KCNH7: variants seen among roughly 807,000 people sequenced by gnomAD.
KCNH7 encodes the protein voltage-gated inwardly rectifying potassium channel KCNH7.
Under a neutral mutation model 120.8 loss-of-function variants are expected in KCNH7, and 49 were observed. The ratio of observed to expected loss-of-function variants is 0.41; its 90% CI spans 0.32 to 0.51. The LOEUF is 0.51. Ranked by LOEUF, KCNH7 falls within the 20% of genes least tolerant of loss-of-function variation. The pLI is 0.38. For synonymous variants in KCNH7, 547 were observed against 516.1 expected (o/e 1.06, Z -0.81); for missense variants, 1,097 against 1,446.6 (o/e 0.76, Z 3.92).
intron 2 of KCNH7, among the ~76,000 whole-genome samples, chr2:162,591,023 A>AC (rs1288465285): frequency 6.6e-6 from 1 of 151,544 alleles, no homozygotes; most frequent in Non-Finnish European, 1.5e-5. Flanking sequence ...GGATATACTC[A>AC]CCCCCAATGC....
intron 9 of KCNH7, among the ~76,000 whole-genome samples, chr2:162,415,876 C>T (rs574667290): frequency 6.6e-5 from 10 of 152,226 alleles, no homozygotes; most frequent in African/African-American, 2.4e-4. Flanking sequence ...CTACATGCTT[C>T]CACTCTGCTT....
intron 2 of KCNH7, among the ~76,000 whole-genome samples, chr2:162,625,714 G>C (rs190268293): frequency 2.3e-4 from 35 of 152,134 alleles, no homozygotes; most frequent in African/African-American, 8.4e-4. Flanking sequence ...ATAATGGGTA[G>C]AAAGAGCCGC....
intron 2 of KCNH7, among the ~76,000 whole-genome samples, chr2:162,772,907 T>A (rs947063571): frequency 2.6e-5 from 4 of 152,184 alleles, no homozygotes; most frequent in African/African-American, 9.6e-5. Context: ...AAGGTCTAGT[T>A]TCCACTTTTT....
intron 2 of KCNH7, among the ~76,000 whole-genome samples, chr2:162,795,079 C>A (rs1325554973): frequency 2.0e-5 from 3 of 151,922 alleles, no homozygotes; most frequent in Admixed American, 2.0e-4. Flanking sequence ...GAATAAGTAT[C>A]CACAAAATCT....
rs181392640 is a variant in KCNH7, at chr2:162,404,048, G to T, written c.2155-3607C>A. ...TTTTTGTTTCTTTGTTTTCAGGGTT[G>T]GTTCCCTTGTTAAACTCTCTGACAT... On this transcript the variant is annotated intron_variant, in intron 9 of 15. Coordinates refer to ENST00000332142, the MANE Select transcript of KCNH7 (RefSeq NM_033272.4). Among the ~76,000 whole-genome samples, 215 of 151,902 alleles carry T rather than the reference G, an allele frequency of 1.4e-3. 5 individuals carry two copies. Among genetic ancestry groups the T allele is most frequent in the Non-Finnish European group, 2.7e-4 (18 of 67,884 alleles).
At chr2:162,397,476 C>A (rs79682441) in intron 10 of KCNH7, among the ~76,000 whole-genome samples, 2 of 151,728 alleles carry the variant, frequency 1.3e-5, no homozygotes, top group African/African-American at 4.8e-5. Flanking sequence ...AAAATATGCC[C>A]AATTGCTTAA....
intron 2 of KCNH7, among the ~76,000 whole-genome samples, chr2:162,827,720 TG>T (rs1295565086): frequency 1.3e-5 from 2 of 152,158 alleles, no homozygotes; most frequent in Non-Finnish European, 2.9e-5. Flanking sequence ...GGAGGCAATG[TG>T]GTAGAGTTTG....
chr2:162,782,571 A>G (rs1237406163), intron 2 of KCNH7, among the ~76,000 whole-genome samples: 4 of 152,190 alleles, frequency 2.6e-5, no homozygotes, highest in African/African-American at 2.4e-5. Flanking sequence ...CCAGAGACCA[A>G]ATAAAGAGTC....
intron 2 of KCNH7, among the ~76,000 whole-genome samples, chr2:162,592,168 A>T (rs1457182141): frequency 6.6e-6 from 1 of 152,088 alleles, no homozygotes; most frequent in East Asian, 1.9e-4. Flanking sequence ...CACAGCTTAA[A>T]GGTTACTTAA....
chr2:162,626,459 T>C (rs1308508022), intron 2 of KCNH7, among the ~76,000 whole-genome samples: 1 of 152,168 alleles, frequency 6.6e-6, no homozygotes, highest in Non-Finnish European at 1.5e-5. Context: ...ACTGGAATTC[T>C]GAAAGTCATG....
At chr2:162,750,473 G>A (rs1253265644) in intron 2 of KCNH7, among the ~76,000 whole-genome samples, 1 of 152,050 alleles carries the variant, frequency 6.6e-6, no homozygotes, top group African/African-American at 2.4e-5. Context: ...ATGTTAAAAT[G>A]AATAAAATGA....
At chr2:162,373,729 A>G in intron 14 of KCNH7, 67 bp from the exon 15 acceptor site, 1 of 1,138,032 alleles carries the variant, frequency 8.8e-7, no homozygotes, top group South Asian at 2.6e-5. Context: ...GCATTTAAAA[A>G]AATTTCAGCA....
rs571876786 is a variant in KCNH7, at chr2:162,780,452, G to T, written c.307+56085C>A. ...AAAGTGATGCACTGAATAACAGCGTGCCAGCCAGTGCTAGGGTAGTTGTAC... is the reference window on the plus strand; with the variant it reads ...AAAGTGATGCACTGAATAACAGCGTTCCAGCCAGTGCTAGGGTAGTTGTAC... On this transcript the variant is annotated intron_variant, in intron 2 of 15. Transcript: ENST00000332142. 5.3e-5 allele frequency among the ~76,000 whole-genome samples: 8 copies of T among 152,254 alleles called. No individual in the cohort carries two copies. The East Asian group carries it at 1.4e-3, about 26-fold the overall frequency.
At chr2:162,534,912 C>T (rs187356611) in intron 3 of KCNH7, among the ~76,000 whole-genome samples, 96 of 151,676 alleles carry the variant, frequency 6.3e-4, no homozygotes, top group African/African-American at 2.2e-3. Flanking sequence ...ATATCATGTC[C>T]AAATGTGTCT....
chr2:162,812,472 T>C (rs759048126), intron 2 of KCNH7, among the ~76,000 whole-genome samples: 1 of 151,836 alleles, frequency 6.6e-6, no homozygotes, highest in Non-Finnish European at 1.5e-5. Flanking sequence ...ACCCACAGGA[T>C]GATAATTACC....
intron 2 of KCNH7, among the ~76,000 whole-genome samples, chr2:162,670,086 AGCGAAACTC>A (rs1278890894): frequency 4.6e-5 from 7 of 152,110 alleles, no homozygotes; most frequent in Non-Finnish European, 1.0e-4. Context: ...GGGCGACAAG[AGCGAAACTC>A]GGTCTCAAAC....
Position 162,534,102 on chromosome 2 carries a change from A to G in KCNH7, c.463+2823T>C, listed in dbSNP as rs1031268109. ...TAAAAACTAGGAAAACAAAAGTTGC[A>G]TATTTTCTAGGAAAAATAATATTAC... On this transcript the variant is annotated intron_variant, in intron 3 of 15. Coordinates refer to ENST00000332142, the MANE Select transcript of KCNH7 (RefSeq NM_033272.4). Among the ~76,000 whole-genome samples, 3 of 151,468 alleles carry G rather than the reference A, an allele frequency of 2.0e-5. No homozygotes were observed. The East Asian group carries it at 5.8e-4, about 29-fold the overall frequency.
Position 162,504,541 on chromosome 2 carries a change from TTTTGAC to T in KCNH7, c.1024_1029del (p.Val342_Lys343del). ...GGAGGTGATGAATTCTTTTTCTCAG[TTTTGAC>T]CTCTGAAAAATTCAGAGTGAGCTGT... On this transcript the variant is annotated inframe_deletion, in exon 6 of 16. Coordinates refer to ENST00000332142, the MANE Select transcript of KCNH7 (RefSeq NM_033272.4). 6.2e-7 allele frequency: 1 copy of T among 1,612,826 alleles called. No homozygotes were observed.
At chr2:162,544,407 GC>G (rs1265742858) in intron 2 of KCNH7, among the ~76,000 whole-genome samples, 1 of 152,060 alleles carries the variant, frequency 6.6e-6, no homozygotes, top group Non-Finnish European at 1.5e-5. Flanking sequence ...TGTTATGAGG[GC>G]TATACATGCT....
Sources: gnomAD v4.1 joint callset for allele counts (sites outside exome capture counted in the v4.1 genomes callset) on GRCh38, gnomAD v4.1.1 for gene constraint, MANE v1.5 for transcripts, NCBI Gene and HGNC (gene_info 2026-07-23, HGNC 2026-07-21) for gene names.